ASIC1: variants seen among roughly 807,000 people sequenced by gnomAD.
ASIC1 encodes the protein acid-sensing ion channel 1.
Under a neutral mutation model 63.4 loss-of-function variants are expected in ASIC1, and 21 were observed. The ratio of observed to expected loss-of-function variants is 0.33; its 90% CI spans 0.23 to 0.48. ASIC1 has a LOEUF of 0.48. Among genes scored for constraint, ASIC1 ranks in the 20% least tolerant of loss-of-function variants. The pLI is 0.99. For missense variants in ASIC1, 478 were observed against 695.5 expected, an observed-to-expected ratio of 0.69 and a Z score of 3.52; for synonymous variants, 258 against 278.2, an observed-to-expected ratio of 0.93 and a Z score of 0.72.
At position 50,059,039 on chromosome 12, in the gene ASIC1, G is replaced by A. The variant is rs748571094; in HGVS notation, c.273G>A (p.Thr91=). The A allele has an allele frequency of 1.7e-5, 27 of 1,614,142 alleles. No homozygotes were observed. The highest frequency in any genetic ancestry group is 1.6e-4 in the Middle Eastern group (1 of 6,062). The part of the protein sequence containing the change: ...AASQLTFPAV[T]LCNLNEFRFS... ...CTCAGCTTACCTTCCCTGCTGTCACGCTGTGCAACCTCAACGAGTTCCGCT... is the reference window on the plus strand; with the variant it reads ...CTCAGCTTACCTTCCCTGCTGTCACACTGTGCAACCTCAACGAGTTCCGCT... The change falls in exon 2 of 12, where the codon ACG becomes ACA. Residue 91 remains threonine (T), a synonymous_variant. Transcript: ENST00000447966. This position sits in a 1 kb window ranked among gnomAD's most constrained non-coding sequence, Gnocchi z 4.6.
In ASIC1 at chr12:50,080,910, T is replaced by C. The variant is rs1027019684; in HGVS notation, c.1298-192T>C. Reference sequence around the variant, plus strand: ...TTTCTTGAAAAACACCTGCTTGTTTTAGAAAGGTAGAAAAACGCAGAAAAG... The same window carrying C: ...TTTCTTGAAAAACACCTGCTTGTTTCAGAAAGGTAGAAAAACGCAGAAAAG... On this transcript the variant is annotated intron_variant, in intron 9 of 11. Transcript: ENST00000447966. 7.3e-6 allele frequency: 6 copies of C among 821,516 alleles called. No homozygotes were observed. The Admixed American group carries it at 8.4e-5, about 11-fold the overall frequency. 50.9% of individuals were successfully genotyped at this position (821,516 alleles called of 1,614,324 possible).
At chr12:50,079,272 G>A (rs1950690395) in intron 7 of ASIC1, among the ~76,000 whole-genome samples, 1 of 152,082 alleles carries the variant, frequency 6.6e-6, no homozygotes, top group Non-Finnish European at 1.5e-5. Flanking sequence ...AAATTATGTG[G>A]GCATGGTGGC....
At chr12:50,072,506 C>G (rs1358756856) in intron 3 of ASIC1, among the ~76,000 whole-genome samples, 1 of 152,096 alleles carries the variant, frequency 6.6e-6, no homozygotes, top group Non-Finnish European at 1.5e-5. Context: ...GTCTGCAAGG[C>G]TGAGGGTTTT....
intron 3 of ASIC1, among the ~76,000 whole-genome samples, chr12:50,066,871 C>A (rs916863509): frequency 3.9e-5 from 6 of 152,184 alleles, no homozygotes; most frequent in African/African-American, 1.4e-4. Context: ...AGGGAACATT[C>A]ATCTTATCTA....
At chr12:50,080,746 G>A (rs1178228511) in intron 9 of ASIC1, 157 bp downstream of exon 9, 2 of 1,598,522 alleles carry the variant, frequency 1.3e-6, no homozygotes, top group Non-Finnish European at 8.6e-7. Flanking sequence ...TGAGGGAAGG[G>A]AACTGAGCCT....
intron 3 of ASIC1, among the ~76,000 whole-genome samples, chr12:50,066,433 A>G (rs531505575): frequency 4.6e-5 from 7 of 152,184 alleles, no homozygotes; most frequent in East Asian, 1.9e-4. Context: ...AAGAAAGGGT[A>G]TAGAGAAGAG....
chr12:50,078,427 T>C lies in ASIC1; in HGVS notation c.844T>C (p.Tyr282His). The change falls in exon 6 of 12, where the codon TAC (tyrosine) becomes CAC (histidine). Residue 282 changes from tyrosine (Y) to histidine (H), a missense_variant. Transcript: ENST00000447966. The surrounding 1 kb of genome is among the most constrained non-coding windows in gnomAD (Gnocchi z 6.0). ...FVACQEQRLI[Y>H]LPPPWGTCKA... ...TCCCCGGCTCTCCCAGCAGCTCATC[T>C]ACCTGCCCCCACCCTGGGGCACCTG... 1 of 1,613,952 alleles carries C rather than the reference T, an allele frequency of 6.2e-7. No homozygotes were observed.
At position 50,081,542 on chromosome 12, in the gene ASIC1, C is replaced by A. The variant is rs780883979; in HGVS notation, c.1483-3C>A. On this transcript the variant is annotated splice_region_variant and splice_polypyrimidine_tract_variant and intron_variant, in intron 11 of 11. Coordinates refer to ENST00000447966, the MANE Select transcript of ASIC1 (RefSeq NM_001095.4). ...CCGTCCCTGTCCTGTCCCCTTCCCC[C>A]AGAACCCGTGCGAGAGCCTTCGGGG... 6.2e-7 allele frequency: 1 copy of A among 1,614,110 alleles called. No homozygotes were observed. Among genetic ancestry groups the A allele is most frequent in the Non-Finnish European group, 8.5e-7 (1 of 1,179,982 alleles).
rs1381831793 is a variant in ASIC1 at position 50,067,414 on chromosome 12, T to G, written c.558+7460T>G. On this transcript the variant is annotated intron_variant, in intron 3 of 11. Coordinates refer to ENST00000447966, the MANE Select transcript of ASIC1 (RefSeq NM_001095.4). The stretch of plus-strand genomic sequence containing the variant: ...CCCACCAACTCTTCTGCTGTTGTTT[T>G]TTTTTTTTTTTTGAGACGGAGTTTT... Among the ~76,000 whole-genome samples the G allele has an allele frequency of 2.8e-3, 420 of 151,534 alleles. 2 individuals carry two copies. The highest frequency in any genetic ancestry group is 4.3e-3 in the Admixed American group (65 of 15,240).
At position 50,083,211 on chromosome 12, in the gene ASIC1, G is replaced by T. The variant is rs1950738848; in HGVS notation, c.*1562G>T. On this transcript the variant is annotated 3_prime_UTR_variant, in exon 12 of 12. Transcript: ENST00000447966. ...CACCACTTTTATTTTCTGGTGAGGT[G>T]GGTTTGGGAGGAAAGAGAGGCCTAG... 6.6e-6 allele frequency: 1 copy of T among 152,248 alleles called. No individual in the cohort carries two copies. The highest frequency in any genetic ancestry group is 1.5e-5 in the Non-Finnish European group (1 of 68,040). The allele number at this position is 152,248 out of a possible 1,614,324, so 9.4% of individuals were successfully genotyped here.
intron 9 of ASIC1, 190 bp downstream of exon 9, chr12:50,080,779 G>A: frequency 6.6e-7 from 1 of 1,514,854 alleles, no homozygotes; most frequent in African/African-American, 1.4e-5. Flanking sequence ...AAGTGGAAAA[G>A]AGAAAAGACA....
intron 1 of ASIC1, among the ~76,000 whole-genome samples, chr12:50,058,274 T>C (rs1357959327): frequency 6.6e-6 from 1 of 152,158 alleles, no homozygotes; most frequent in African/African-American, 2.4e-5. Flanking sequence ...CCCTGGGGGT[T>C]TTCTGGCCCC....
At position 50,081,567 on chromosome 12, in the gene ASIC1, G is replaced by A; in HGVS notation, c.1505G>A (p.Gly502Asp). 6.2e-7 allele frequency: 1 copy of A among 1,614,096 alleles called. No individual in the cohort carries two copies. The highest frequency in any genetic ancestry group is 1.3e-5 in the African/African-American group (1 of 75,038). Reference sequence around the variant, plus strand: ...CAGAACCCGTGCGAGAGCCTTCGGGGCCACCCTGCCGGGATGACATACGCT... The same window carrying A: ...CAGAACCCGTGCGAGAGCCTTCGGGACCACCCTGCCGGGATGACATACGCT... ...KRHNPCESLR[G>D]HPAGMTYAAN... Residue 502 changes from glycine (G) to aspartate (D), a missense_variant, in exon 12 of 12, where the codon GGC (glycine) becomes GAC (aspartate). Transcript: ENST00000447966.
intron 3 of ASIC1, chr12:50,073,537 T>C: frequency 6.9e-7 from 1 of 1,459,494 alleles, no homozygotes; most frequent in South Asian, 1.4e-5. Flanking sequence ...TCTGGCACCT[T>C]CCCCCTTCCT....
At chr12:50,058,518 G>A (rs1012447817) in intron 1 of ASIC1, among the ~76,000 whole-genome samples, 1 of 152,208 alleles carries the variant, frequency 6.6e-6, no homozygotes, top group African/African-American at 2.4e-5. Context: ...GGCCTGGGAA[G>A]CTTCTCTGGG....
intron 3 of ASIC1, among the ~76,000 whole-genome samples, chr12:50,060,364 A>C (rs1950490092): frequency 6.6e-6 from 1 of 152,184 alleles, no homozygotes. Context: ...GGAATGCAGG[A>C]CTTTGCCACC....
chr12:50,059,691 T>C lies in ASIC1; in HGVS notation c.363-68T>C. 5 of 1,507,770 alleles carry C rather than the reference T, an allele frequency of 3.3e-6. No homozygotes were observed. Among genetic ancestry groups the C allele is most frequent in the Non-Finnish European group, 4.5e-6 (5 of 1,107,894 alleles). The allele number at this position is 1,507,770 out of a possible 1,614,324, so 93.4% of individuals were successfully genotyped here. A position where few individuals can be genotyped will look rare whatever the true frequency, so the allele number is the denominator to read the frequency against. ...TCCCCAGGGCTGGAGGCTGCCCCCA[T>C]CACCCAAGTTGGGTGCAGGACACTG... On this transcript the variant is annotated intron_variant, in intron 2 of 11. Coordinates refer to ENST00000447966, the MANE Select transcript of ASIC1 (RefSeq NM_001095.4). The surrounding 1 kb of genome is among the most constrained non-coding windows in gnomAD (Gnocchi z 4.6).
Position 50,080,510 on chromosome 12 carries a change from G to C in ASIC1, c.1218G>C (p.Leu406=), listed in dbSNP as rs1378516082. Residue 406 remains leucine (L), a synonymous_variant, in exon 9 of 12, where the codon CTG becomes CTC. Coordinates refer to ENST00000447966, the MANE Select transcript of ASIC1 (RefSeq NM_001095.4). ...KSEQYIGENI[L]VLDIFFEVLN... Reference sequence around the variant, plus strand: ...AATCCCTGTGCAGGGAGAACATCCTGGTGCTGGACATTTTCTTTGAAGTCC... The same window carrying C: ...AATCCCTGTGCAGGGAGAACATCCTCGTGCTGGACATTTTCTTTGAAGTCC... 2.5e-6 allele frequency: 4 copies of C among 1,614,130 alleles called. No individual in the cohort carries two copies.
intron 3 of ASIC1, among the ~76,000 whole-genome samples, chr12:50,066,884 A>G (rs982295767): frequency 6.6e-6 from 1 of 152,180 alleles, no homozygotes; most frequent in Non-Finnish European, 1.5e-5. Context: ...CTTATCTAGG[A>G]TAAAGTCTCA....
Sources: gnomAD v4.1 joint callset for allele counts (sites outside exome capture counted in the v4.1 genomes callset) on GRCh38, gnomAD v4.1.1 for gene constraint, Gnocchi (gnomAD v3.1) non-coding constraint, MANE v1.5 for transcripts, NCBI Gene and HGNC (gene_info 2026-07-23, HGNC 2026-07-21) for gene names.